ADGRF5: variants seen among roughly 807,000 people sequenced by gnomAD.
ADGRF5 encodes adhesion G protein-coupled receptor F5, also known as G-protein coupled receptor 116.
In ADGRF5, 75 loss-of-function variants were observed where a neutral mutation model predicts 132.3. The observed-to-expected ratio is 0.57, with a 90% CI of 0.47 to 0.69. The LOEUF is 0.69. ADGRF5 is among the 30% of genes least tolerant of loss of function. The probability of loss-of-function intolerance (pLI) is 0.00; values close to 1 mark genes in which losing one functional copy is unlikely to be tolerated. For missense variants in ADGRF5, 1,516 were observed against 1,630.6 expected (o/e 0.93, Z 1.21); for synonymous variants, 629 against 597.6 (o/e 1.05, Z -0.77).
rs564383378 is a variant in ADGRF5, at chr6:46,869,447, C to A, written c.1412-355G>T. 27 of 921,612 alleles carry A rather than the reference C, an allele frequency of 2.9e-5. 1 individual carries two copies. The South Asian group carries it at 1.3e-3, about 44-fold the overall frequency. 57.1% of individuals were successfully genotyped at this position (921,612 alleles called of 1,614,324 possible). A position where few individuals can be genotyped will look rare whatever the true frequency, so the allele number is the denominator to read the frequency against. ...CTCCCCTCCAACCTCCTCTGTAACA[C>A]CTTAAGGGAGAACAAATGGCCGGGT... On this transcript the variant is annotated intron_variant, in intron 11 of 20. Transcript: ENST00000283296.
In ADGRF5 at chr6:46,868,986, A is replaced by C; in HGVS notation, c.1518T>G (p.Thr506=). The stretch of plus-strand genomic sequence containing the variant: ...TTTGGTATATTTTAATTCCAGCAGA[A>C]GTGTTCCAATAAACCTCATCATAGT... The part of the protein sequence containing the change: ...VSNYDEVYWN[T]SAGIKIYQRF... Residue 506 remains threonine (T), a synonymous_variant, in exon 12 of 21, where the codon ACT becomes ACG. Transcript: ENST00000283296. 6.2e-7 allele frequency: 1 copy of C among 1,612,774 alleles called. No homozygotes were observed. The highest frequency in any genetic ancestry group is 8.5e-7 in the Non-Finnish European group (1 of 1,178,716).
At chr6:46,943,909 A>G (rs760461231) in intron 1 of ADGRF5, among the ~76,000 whole-genome samples, 4 of 152,210 alleles carry the variant, frequency 2.6e-5, no homozygotes, top group Non-Finnish European at 5.9e-5. Context: ...TTCAGCGGGA[A>G]GAATGTTCCT....
intron 1 of ADGRF5, among the ~76,000 whole-genome samples, chr6:46,940,622 A>T (rs1778012727): frequency 6.6e-6 from 1 of 152,188 alleles, no homozygotes; most frequent in African/African-American, 2.4e-5. Context: ...TGTGCTAAAA[A>T]GCCACAGCTC....
chr6:46,926,520 A>G (rs1777253937), upstream of ADGRF5, among the ~76,000 whole-genome samples: 1 of 151,928 alleles, frequency 6.6e-6, no homozygotes, highest in Non-Finnish European at 1.5e-5. Flanking sequence ...TGGTTCGTTG[A>G]GGTGTCATCC....
At chr6:46,945,309 T>C (rs1050829879) in intron 1 of ADGRF5, among the ~76,000 whole-genome samples, 1 of 152,236 alleles carries the variant, frequency 6.6e-6, no homozygotes, top group African/African-American at 2.4e-5. Context: ...ATGTGAGTGC[T>C]TTAAAGTTTC....
intron 1 of ADGRF5, among the ~76,000 whole-genome samples, chr6:46,928,650 T>C (rs1194046728): frequency 6.6e-6 from 1 of 152,112 alleles, no homozygotes; most frequent in Admixed American, 6.5e-5. Flanking sequence ...CATGAGGCCC[T>C]CTACTCTCTT....
intron 1 of ADGRF5, among the ~76,000 whole-genome samples, chr6:46,948,613 A>T (rs1778386031): frequency 6.6e-6 from 1 of 152,138 alleles, no homozygotes; most frequent in African/African-American, 2.4e-5. Context: ...TCAAGCCAAG[A>T]TCCTCAAACA....
intron 10 of ADGRF5, 100 bp downstream of exon 10, chr6:46,878,102 C>G: frequency 1.3e-6 from 1 of 770,758 alleles, no homozygotes; most frequent in Non-Finnish European, 2.3e-6. Flanking sequence ...CAGAAAATAA[C>G]AGCCATCTGA....
chr6:46,872,061 A>AC, intron 10 of ADGRF5, 48 bp from the exon 11 acceptor site: 1 of 1,353,982 alleles, frequency 7.4e-7, no homozygotes, highest in Non-Finnish European at 1.0e-6. Context: ...TAACTCTTTT[A>AC]TTTAGTAGCA....
intron 16 of ADGRF5, among the ~76,000 whole-genome samples, chr6:46,860,091 T>G (rs2150783611): frequency 6.6e-6 from 1 of 152,262 alleles, no homozygotes; most frequent in African/African-American, 2.4e-5. Flanking sequence ...TGGTTATAGC[T>G]CTGGCCTTCC....
chr6:46,865,369 C>T (rs979773498), intron 13 of ADGRF5, among the ~76,000 whole-genome samples, 172 bp from the exon 14 acceptor site: 1 of 152,214 alleles, frequency 6.6e-6, no homozygotes, highest in Non-Finnish European at 1.5e-5. Context: ...CCCACATTTG[C>T]ATGTGTGCTA....
At chr6:46,914,798 A>G (rs927417857) in intron 1 of ADGRF5, among the ~76,000 whole-genome samples, 9 of 151,980 alleles carry the variant, frequency 5.9e-5, no homozygotes, top group African/African-American at 2.2e-4. Flanking sequence ...TTCCAATTGC[A>G]GACGGAGGGA....
chr6:46,860,871 C>T lies in ADGRF5; in HGVS notation c.2223G>A (p.Gln741=). The part of the protein sequence containing the change: ...MAKALIKSPS[Q]DEMLPTYLKD... ...TCAGGTATGTAGGGAGCATCTCATC[C>T]TGAGAGGGGCTCTTGATCAAAGCCT... is the stretch of plus-strand genomic sequence containing the variant. The change falls in exon 16 of 21, where the codon CAG becomes CAA. Residue 741 remains glutamine, a synonymous_variant. Transcript: ENST00000283296. 1 of 1,609,364 alleles carries T rather than the reference C, an allele frequency of 6.2e-7. No individual in the cohort carries two copies. Among genetic ancestry groups the T allele is most frequent in the Non-Finnish European group, 8.5e-7 (1 of 1,177,082 alleles).
At chr6:46,884,463 A>G (rs1772840214) in intron 4 of ADGRF5, among the ~76,000 whole-genome samples, 192 bp from the exon 5 acceptor site, 2 of 152,242 alleles carry the variant, frequency 1.3e-5, no homozygotes, top group Admixed American at 1.3e-4. Context: ...AGCCATGACA[A>G]TCTGAAAGAT....
intron 1 of ADGRF5, among the ~76,000 whole-genome samples, chr6:46,934,862 A>G (rs1777737988): frequency 6.6e-6 from 1 of 152,236 alleles, no homozygotes; most frequent in African/African-American, 2.4e-5. Context: ...ATAAAAGTAC[A>G]TTAATTAGCA....
intron 1 of ADGRF5, among the ~76,000 whole-genome samples, chr6:46,913,043 G>A (rs1776096759): frequency 6.6e-6 from 1 of 152,100 alleles, no homozygotes; most frequent in Non-Finnish European, 1.5e-5. Context: ...TAATAAATTT[G>A]CCTTTCTTTA....
chr6:46,862,808 A>G (rs966599357), intron 15 of ADGRF5, 80 bp downstream of exon 15: 14 of 881,022 alleles, frequency 1.6e-5, no homozygotes, highest in African/African-American at 7.1e-5. Context: ...CACCAAACCC[A>G]TTTTCCTAAG....
intron 4 of ADGRF5, among the ~76,000 whole-genome samples, chr6:46,886,180 A>C (rs1374022365): frequency 6.6e-6 from 1 of 152,242 alleles, no homozygotes; most frequent in Non-Finnish European, 1.5e-5. Flanking sequence ...AGTCCCACAG[A>C]GTGACTATCC....
At position 46,858,213 on chromosome 6, in the gene ADGRF5, G is replaced by A. The variant is rs1162192417; in HGVS notation, c.3690C>T (p.Leu1230=). The change falls in exon 17 of 21, where the codon CTC becomes CTT. Residue 1230 remains leucine (L), a synonymous_variant. Transcript: ENST00000283296. ...SIGVLTPLLG[L]TWGFGLTTVF... ...CAGTGGTGAGACCAAAACCCCAAGT[G>A]AGGCCCAAGAGTGGTGTGAGGACCC... The A allele has an allele frequency of 6.2e-7, 1 of 1,614,190 alleles. No individual in the cohort carries two copies. The highest frequency in any genetic ancestry group is 8.5e-7 in the Non-Finnish European group (1 of 1,180,020).
Sources: gnomAD v4.1 joint callset for allele counts (sites outside exome capture counted in the v4.1 genomes callset) on GRCh38, gnomAD v4.1.1 for gene constraint, MANE v1.5 for transcripts, NCBI Gene and HGNC (gene_info 2026-07-23, HGNC 2026-07-21) for gene names.